Variants in PSCA observed in about 807,000 individuals in gnomAD.
The protein encoded by PSCA is prostate stem cell antigen.
In PSCA, 7 loss-of-function variants were observed where a neutral mutation model predicts 7.9. The ratio of observed to expected loss-of-function variants is 0.89; its 90% CI spans 0.51 to 1.67. PSCA has a LOEUF of 1.67. PSCA is among the 40% of genes most tolerant of loss of function. The pLI, the probability that PSCA is intolerant of heterozygous loss-of-function variation, is 0.00. For missense variants in PSCA, 151 were observed against 147.9 expected (o/e 1.02, Z -0.11); for synonymous variants, 61 against 68.3 (o/e 0.89, Z 0.53).
At position 142,682,532 on chromosome 8, in the gene PSCA, G is replaced by A. The variant is rs781862273; in HGVS notation, c.*400G>A. On this transcript the variant is annotated 3_prime_UTR_variant, in exon 3 of 3. Coordinates refer to ENST00000301258, the MANE Select transcript of PSCA (RefSeq NM_005672.5). ...CACCCAGCAGGGGACAGGCACTCAG[G>A]AGGGCCCGGTAAAGGCTGAGATGAA... is the stretch of plus-strand genomic sequence containing the variant. 4.7e-5 allele frequency: 22 copies of A among 470,120 alleles called. No homozygotes were observed. The highest frequency in any genetic ancestry group is 8.4e-5 in the Non-Finnish European group (20 of 237,956). The allele number at this position is 470,120 out of a possible 1,614,324, so 29.1% of individuals were successfully genotyped here.
chr8:142,681,915 C>T lies in PSCA; in HGVS notation c.134-6C>T. ...AGCCCCATCCCCGGATCCCGCTGCT[C>T]CCCAGGCGCAGTTGGCCTCCTGACC... On this transcript the variant is annotated splice_polypyrimidine_tract_variant and splice_region_variant and intron_variant, in intron 2 of 2. Transcript: ENST00000301258. 6.6e-7 allele frequency: 1 copy of T among 1,524,204 alleles called. No individual in the cohort carries two copies. The highest frequency in any genetic ancestry group is 8.8e-7 in the Non-Finnish European group (1 of 1,130,064). 94.4% of individuals were successfully genotyped at this position (1,524,204 alleles called of 1,614,324 possible). A position where few individuals can be genotyped will look rare whatever the true frequency, so the allele number is the denominator to read the frequency against.
rs1814640175 is a variant in PSCA at position 142,681,646 on chromosome 8, A to G, written c.133+212A>G. 1.7e-4 allele frequency: 103 copies of G among 616,436 alleles called. No individual in the cohort carries two copies. The South Asian group carries it at 1.7e-3, about 10-fold the overall frequency. 38.2% of individuals were successfully genotyped at this position (616,436 alleles called of 1,614,324 possible). ...ACTCATCTGTCCCTCCCCATCCTCCATCTTCCACTCCTCCACCCATCTGTC... is the reference window on the plus strand; with the variant it reads ...ACTCATCTGTCCCTCCCCATCCTCCGTCTTCCACTCCTCCACCCATCTGTC... On this transcript the variant is annotated intron_variant, in intron 2 of 2. Transcript: ENST00000301258.
chr8:142,678,165 G>A (rs587674842), upstream of PSCA, among the ~76,000 whole-genome samples: 5 of 152,240 alleles, frequency 3.3e-5, no homozygotes, highest in East Asian at 1.9e-4. Flanking sequence ...CCGATTCCCC[G>A]AGACTTTTCC....
At position 142,682,544 on chromosome 8, in the gene PSCA, A is replaced by C; in HGVS notation, c.*412A>C. The C allele has an allele frequency of 2.3e-6, 1 of 434,256 alleles. No individual in the cohort carries two copies. Among genetic ancestry groups the C allele is most frequent in the Non-Finnish European group, 4.6e-6 (1 of 217,352 alleles). 26.9% of individuals were successfully genotyped at this position (434,256 alleles called of 1,614,324 possible). A position where few individuals can be genotyped will look rare whatever the true frequency, so the allele number is the denominator to read the frequency against. On this transcript the variant is annotated 3_prime_UTR_variant, in exon 3 of 3. Coordinates refer to ENST00000301258, the MANE Select transcript of PSCA (RefSeq NM_005672.5). ...GACAGGCACTCAGGAGGGCCCGGTAAAGGCTGAGATGAAGTGGACTGAGTA... is the reference window on the plus strand; with the variant it reads ...GACAGGCACTCAGGAGGGCCCGGTACAGGCTGAGATGAAGTGGACTGAGTA...
chr8:142,680,746 G>A (rs1554638228), intron 1 of PSCA, 183 bp downstream of exon 1: 1 of 756,102 alleles, frequency 1.3e-6, no homozygotes, highest in South Asian at 1.7e-5. Flanking sequence ...GCAGCGACCT[G>A]TTCCCTGCCG....
chr8:142,678,540 G>T (rs1042823309), upstream of PSCA, among the ~76,000 whole-genome samples: 1 of 152,262 alleles, frequency 6.6e-6, no homozygotes, highest in Non-Finnish European at 1.5e-5. Context: ...GCAGGGATGA[G>T]GGGGAGAGCA....
At position 142,673,380 on chromosome 8, in the gene PSCA, C is replaced by T. The variant is rs983881516; in HGVS notation, n.261+2812C>T. ...CTCCAGGTGCTCCTACCATTACTCACGGAACCTTGGGCCTCTTCTCGAGGA... is the reference window on the plus strand; with the variant it reads ...CTCCAGGTGCTCCTACCATTACTCATGGAACCTTGGGCCTCTTCTCGAGGA... On this transcript the variant is annotated intron_variant and non_coding_transcript_variant, in intron 1 of 1. Coordinates refer to the PSCA transcript ENST00000505305. This position sits in a 1 kb window ranked among gnomAD's most constrained non-coding sequence, Gnocchi z 4.6. 7.2e-5 allele frequency among the ~76,000 whole-genome samples: 11 copies of T among 152,120 alleles called. No homozygotes were observed. The South Asian group carries it at 2.1e-3, about 29-fold the overall frequency.
chr8:142,671,023 T>C (rs192976003), intron 1 of PSCA, among the ~76,000 whole-genome samples: 1 of 152,362 alleles, frequency 6.6e-6, no homozygotes, highest in Admixed American at 6.5e-5. Flanking sequence ...GTAAGCGCTA[T>C]GTAGATAGTT....
intron 1 of PSCA, among the ~76,000 whole-genome samples, chr8:142,671,329 CGGCTTCTAGT>C (rs1847322448): frequency 1.3e-5 from 2 of 152,190 alleles, no homozygotes; most frequent in Non-Finnish European, 2.9e-5. Context: ...GGACTATGAG[CGGCTTCTAGT>C]GGCTGGGAGA....
chr8:142,680,537 T>A lies in PSCA; in HGVS notation c.-2T>A. On this transcript the variant is annotated 5_prime_UTR_variant, in exon 1 of 3. Coordinates refer to ENST00000301258, the MANE Select transcript of PSCA (RefSeq NM_005672.5). ...ACGAAGGCTGTGCTGCTTGCCCTGTTGATGGCAGGCTTGGCCCTGCAGCCA... is the reference window on the plus strand; with the variant it reads ...ACGAAGGCTGTGCTGCTTGCCCTGTAGATGGCAGGCTTGGCCCTGCAGCCA... The A allele has an allele frequency of 6.4e-7, 1 of 1,554,506 alleles. No homozygotes were observed. The highest frequency in any genetic ancestry group is 8.7e-7 in the Non-Finnish European group (1 of 1,148,484).
rs182010420 is a variant in PSCA at position 142,681,946 on chromosome 8, C to T, written c.159C>T (p.Ile53=). ...GCGCAGTTGGCCTCCTGACCGTCAT[C>T]AGCAAAGGCTGCAGCTTGAACTGCG... ...RIRAVGLLTV[I]SKGCSLNCVD... is the part of the protein sequence containing the mutation. Residue 53 remains isoleucine (I), a synonymous_variant, in exon 3 of 3, where the codon ATC becomes ATT. Coordinates refer to ENST00000301258, the MANE Select transcript of PSCA (RefSeq NM_005672.5). 4.3e-4 allele frequency: 677 copies of T among 1,571,720 alleles called. 2 individuals are homozygous for T. The African/African-American group carries it at 8.2e-3, about 19-fold the overall frequency.
rs1191556143 is a variant in PSCA, at chr8:142,673,057, C to A, written n.261+2489C>A. On this transcript the variant is annotated intron_variant and non_coding_transcript_variant, in intron 1 of 1. Coordinates refer to the PSCA transcript ENST00000505305. The surrounding 1 kb of genome is among the most constrained non-coding windows in gnomAD (Gnocchi z 4.6). The stretch of plus-strand genomic sequence containing the variant: ...AGGTAGCTTTTTCCCATTGGCACAA[C>A]TGCTGGCATTCACGCGTGCAAGCTT... Among the ~76,000 whole-genome samples the A allele has an allele frequency of 6.6e-6, 1 of 152,180 alleles. No homozygotes were observed. Among genetic ancestry groups the A allele is most frequent in the Non-Finnish European group, 1.5e-5 (1 of 68,042 alleles).
At chr8:142,675,735 TCACA>T (rs782667744), upstream of PSCA, among the ~76,000 whole-genome samples, 1 of 152,008 alleles carries the variant, frequency 6.6e-6, no homozygotes, top group African/African-American at 2.4e-5. Context: ...CAGTCACATA[TCACA>T]CACACACAGC....
intron 2 of PSCA, 88 bp downstream of exon 2, chr8:142,681,522 T>C: frequency 8.1e-7 from 1 of 1,234,786 alleles, no homozygotes; most frequent in Non-Finnish European, 1.2e-6. Flanking sequence ...CTGTGTGCTG[T>C]TTTCCTTCCA....
intron 2 of PSCA, 49 bp from the exon 3 acceptor site, chr8:142,681,872 C>A: frequency 7.3e-7 from 1 of 1,369,232 alleles, no homozygotes. Flanking sequence ...GCAGGTCAGG[C>A]AGGTGAGCAC....
rs782073143 is a variant in PSCA, at chr8:142,682,541, G to C, written c.*409G>C. ...GGGGACAGGCACTCAGGAGGGCCCG[G>C]TAAAGGCTGAGATGAAGTGGACTGA... is the stretch of plus-strand genomic sequence containing the variant. On this transcript the variant is annotated 3_prime_UTR_variant, in exon 3 of 3. Transcript: ENST00000301258. 1 of 438,280 alleles carries C rather than the reference G, an allele frequency of 2.3e-6. No homozygotes were observed. The highest frequency in any genetic ancestry group is 1.7e-5 in the South Asian group (1 of 57,810). The allele number at this position is 438,280 out of a possible 1,614,324, so 27.1% of individuals were successfully genotyped here. A position where few individuals can be genotyped will look rare whatever the true frequency, so the allele number is the denominator to read the frequency against.
chr8:142,681,112 C>A (rs1373901872), intron 1 of PSCA: 3 of 541,328 alleles, frequency 5.5e-6, no homozygotes, highest in Non-Finnish European at 6.7e-6. Flanking sequence ...CTGAAACACA[C>A]GGTCACAAAA....
intron 2 of PSCA, 163 bp downstream of exon 2, chr8:142,681,597 T>C: frequency 1.5e-6 from 1 of 660,346 alleles, no homozygotes; most frequent in Non-Finnish European, 2.7e-6. Context: ...CCTCCAGCCA[T>C]CCTCCTCCAT....
At chr8:142,680,740 C>A (rs587706546) in intron 1 of PSCA, 177 bp downstream of exon 1, 1 of 813,654 alleles carries the variant, frequency 1.2e-6, no homozygotes, top group Non-Finnish European at 1.9e-6. Flanking sequence ...GACCAGGCAG[C>A]GACCTGTTCC....
Sources: allele counts gnomAD v4.1 joint callset (sites outside exome capture counted in the v4.1 genomes callset), GRCh38; gene constraint gnomAD v4.1.1; non-coding constraint Gnocchi (gnomAD v3.1); transcripts MANE v1.5; gene names NCBI Gene and HGNC (gene_info 2026-07-23, HGNC 2026-07-21).